PARD3B: variants seen among roughly 807,000 people sequenced by gnomAD.
PARD3B encodes partitioning defective 3 homolog B.
Under a neutral mutation model 130.2 loss-of-function variants are expected in PARD3B, and 103 were observed. That is an observed-to-expected ratio of 0.79 (90% CI 0.67 to 0.93). PARD3B has a LOEUF of 0.93. Ranked by LOEUF, PARD3B falls within the 40% of genes least tolerant of loss-of-function variation. PARD3B has a pLI of 0.00. For synonymous variants in PARD3B, 583 were observed against 553.2 expected (o/e 1.05, Z -0.76); for missense variants, 1,609 against 1,499.2 (o/e 1.07, Z -1.21).
intron 22 of PARD3B, among the ~76,000 whole-genome samples, chr2:205,574,469 C>G (rs992662793): frequency 6.6e-6 from 1 of 152,142 alleles, no homozygotes; most frequent in Non-Finnish European, 1.5e-5. Flanking sequence ...TGCAGCTGGA[C>G]GTGTTTGTTA....
intron 20 of PARD3B, among the ~76,000 whole-genome samples, chr2:205,468,387 C>T (rs928875345): frequency 9.9e-5 from 15 of 152,234 alleles, no homozygotes; most frequent in Admixed American, 6.5e-5. Flanking sequence ...GCTATACTCT[C>T]CTTCTCAGTA....
chr2:205,366,089 TATCCATCCATTCATCC>T lies in PARD3B; in HGVS notation c.2631-34912_2631-34897del, dbSNP rs1394092420. Among the ~76,000 whole-genome samples the T allele has an allele frequency of 1.3e-5, 2 of 152,108 alleles. No homozygotes were observed. Among genetic ancestry groups the T allele is most frequent in the Admixed American group, 1.3e-4 (2 of 15,250 alleles). Reference sequence around the variant, plus strand: ...CCCCCCACTCATCCATCCATCCGTTTATCCATCCATTCATCCATCCATCCATTATCCATATTTATGT... The same window carrying T: ...CCCCCCACTCATCCATCCATCCGTTTATCCATCCATTATCCATATTTATGT... On this transcript the variant is annotated intron_variant, in intron 18 of 22. Coordinates refer to ENST00000406610, the MANE Select transcript of PARD3B (RefSeq NM_001302769.2). This position sits in a 1 kb window ranked among gnomAD's most constrained non-coding sequence, Gnocchi z 5.0.
At chr2:205,323,315 G>A (rs2042822011) in intron 18 of PARD3B, among the ~76,000 whole-genome samples, 1 of 152,116 alleles carries the variant, frequency 6.6e-6, no homozygotes, top group Admixed American at 6.6e-5. Flanking sequence ...TATGCTATCA[G>A]GGTTAATGGT....
chr2:204,681,022 T>C (rs2036804299), intron 1 of PARD3B, among the ~76,000 whole-genome samples: 1 of 152,164 alleles, frequency 6.6e-6, no homozygotes, highest in African/African-American at 2.4e-5. Context: ...TTTTGTTTCC[T>C]ATCAAGTCTC....
intron 2 of PARD3B, among the ~76,000 whole-genome samples, chr2:204,842,457 G>C (rs944056606): frequency 2.0e-5 from 3 of 152,110 alleles, no homozygotes; most frequent in African/African-American, 7.2e-5. Flanking sequence ...AAAAAAAGAG[G>C]AGCAATATAT....
chr2:204,643,115 C>A (rs867297279), intron 1 of PARD3B, among the ~76,000 whole-genome samples: 482 of 31,602 alleles, frequency 0.015, 5 homozygotes, highest in African/African-American at 0.029. Context: ...CTCTGTCTCA[C>A]AAAAAAAAAA....
chr2:204,719,262 C>T (rs1427570123), intron 2 of PARD3B, among the ~76,000 whole-genome samples: 1 of 152,110 alleles, frequency 6.6e-6, no homozygotes, highest in African/African-American at 2.4e-5. Context: ...TATTTCACAG[C>T]CAGCAAGGCT....
At chr2:205,318,005 A>T (rs2042617571) in intron 18 of PARD3B, among the ~76,000 whole-genome samples, 1 of 152,166 alleles carries the variant, frequency 6.6e-6, no homozygotes, top group Non-Finnish European at 1.5e-5. Context: ...AATATTATAT[A>T]ATTCAAAACT....
At chr2:204,809,040 C>CT (rs1388976994) in intron 2 of PARD3B, among the ~76,000 whole-genome samples, 1 of 151,994 alleles carries the variant, frequency 6.6e-6, no homozygotes. Flanking sequence ...TGATGATGAG[C>CT]TTTTTTTCAT....
chr2:205,241,159 G>A lies in PARD3B; in HGVS notation c.2141-4619G>A, dbSNP rs1368931411. Reference sequence around the variant, plus strand: ...AATTAGAAACATAGGCCATCAGGCTGCTGTTTCTCAAACAAGTCTTCCTGA... The same window carrying A: ...AATTAGAAACATAGGCCATCAGGCTACTGTTTCTCAAACAAGTCTTCCTGA... On this transcript the variant is annotated intron_variant, in intron 15 of 22. Transcript: ENST00000406610. The surrounding 1 kb of genome is among the most constrained non-coding windows in gnomAD (Gnocchi z 4.2). 2.6e-5 allele frequency among the ~76,000 whole-genome samples: 4 copies of A among 152,156 alleles called. No individual in the cohort carries two copies. The highest frequency in any genetic ancestry group is 9.7e-5 in the African/African-American group (4 of 41,448).
chr2:204,836,056 C>T (rs148091061), intron 2 of PARD3B, among the ~76,000 whole-genome samples: 5 of 152,234 alleles, frequency 3.3e-5, no homozygotes, highest in African/African-American at 4.8e-5. Flanking sequence ...ATGCATGTTT[C>T]GATGTAGTCT....
At chr2:204,898,344 T>C (rs1388409256) in intron 2 of PARD3B, among the ~76,000 whole-genome samples, 1 of 152,066 alleles carries the variant, frequency 6.6e-6, no homozygotes, top group Non-Finnish European at 1.5e-5. Flanking sequence ...GTATAATAAA[T>C]TATTGTTGAT....
intron 2 of PARD3B, among the ~76,000 whole-genome samples, chr2:204,716,645 C>T (rs1411288245): frequency 3.7e-5 from 5 of 133,352 alleles, no homozygotes; most frequent in East Asian, 2.3e-4. Context: ...TTTTTTGAGA[C>T]GGAGTCTTGC....
chr2:205,432,606 C>A (rs187820125), intron 19 of PARD3B, among the ~76,000 whole-genome samples: 1 of 152,062 alleles, frequency 6.6e-6, no homozygotes, highest in African/African-American at 2.4e-5. Context: ...CTTCTTCAAG[C>A]CTTTTATTTT....
At chr2:205,442,946 GT>G (rs1207738791) in intron 20 of PARD3B, among the ~76,000 whole-genome samples, 1 of 152,134 alleles carries the variant, frequency 6.6e-6, no homozygotes, top group Non-Finnish European at 1.5e-5. Context: ...TTTCAATAGA[GT>G]TTTCACCGCT....
chr2:205,277,845 T>A (rs2041012212), intron 16 of PARD3B, among the ~76,000 whole-genome samples: 1 of 152,052 alleles, frequency 6.6e-6, no homozygotes, highest in African/African-American at 2.4e-5. Flanking sequence ...CAGGAGTAAT[T>A]TGACCAGACA....
intron 2 of PARD3B, among the ~76,000 whole-genome samples, chr2:204,958,272 T>C (rs1282439785): frequency 2.6e-5 from 4 of 152,180 alleles, no homozygotes; most frequent in South Asian, 2.1e-4. Context: ...AACCACACCA[T>C]GAATATTGAG....
At chr2:204,923,930 C>G (rs1178547187) in intron 2 of PARD3B, among the ~76,000 whole-genome samples, 1 of 151,988 alleles carries the variant, frequency 6.6e-6, no homozygotes, top group Non-Finnish European at 1.5e-5. Flanking sequence ...TCAACATAAT[C>G]TAGAATTTGT....
At chr2:204,844,259 A>G (rs2044372411) in intron 2 of PARD3B, among the ~76,000 whole-genome samples, 1 of 152,112 alleles carries the variant, frequency 6.6e-6, no homozygotes, top group African/African-American at 2.4e-5. Flanking sequence ...CTAAATTATC[A>G]TTCATTGATG....
Sources: gnomAD v4.1 joint callset for allele counts (sites outside exome capture counted in the v4.1 genomes callset) on GRCh38, gnomAD v4.1.1 for gene constraint, Gnocchi (gnomAD v3.1) non-coding constraint, MANE v1.5 for transcripts, NCBI Gene and HGNC (gene_info 2026-07-23, HGNC 2026-07-21) for gene names.